The following NREP variants were observed in gnomAD, a reference collection of about 807,000 sequenced individuals.
NREP encodes neuronal regeneration related protein.
In NREP, 5 loss-of-function variants were observed where a neutral mutation model predicts 8.6. The observed-to-expected ratio is 0.58, with a 90% CI of 0.30 to 1.22. NREP has a LOEUF of 1.22. Among genes scored for constraint, NREP ranks in the 50% most tolerant of loss-of-function variants. The pLI is 0.07. For missense variants in NREP, 86 were observed against 82.5 expected (o/e 1.04, Z -0.17); for synonymous variants, 27 against 28.0 (o/e 0.96, Z 0.11).
chr5:111,951,109 C>T (rs945709000), intron 2 of NREP, among the ~76,000 whole-genome samples: 4 of 152,042 alleles, frequency 2.6e-5, no homozygotes, highest in Non-Finnish European at 5.9e-5. Context: ...TATTCTAAAA[C>T]TTTAAATAAA....
chr5:111,744,546 G>A (rs1342060629), intron 2 of NREP, among the ~76,000 whole-genome samples: 2 of 152,086 alleles, frequency 1.3e-5, no homozygotes, highest in East Asian at 3.9e-4. Context: ...AGTACAAGAG[G>A]AATGGAATAG....
rs188038432 is a variant in NREP at position 111,840,176 on chromosome 5, A to C, written c.136-104669T>G. ...TACACACACACACTCCCACACATAT[A>C]TGTCATAGCTCTGCTGTTAGGGGTA... is the stretch of plus-strand genomic sequence containing the variant. On this transcript the variant is annotated intron_variant, in intron 2 of 3. Coordinates refer to the NREP transcript ENST00000395634. 3.2e-4 allele frequency among the ~76,000 whole-genome samples: 48 copies of C among 152,182 alleles called. 1 individual carries two copies. Among genetic ancestry groups the C allele is most frequent in the Admixed American group, 2.0e-3 (31 of 15,264 alleles).
At chr5:111,826,882 G>C (rs1752641101) in intron 2 of NREP, among the ~76,000 whole-genome samples, 1 of 152,148 alleles carries the variant, frequency 6.6e-6, no homozygotes, top group Non-Finnish European at 1.5e-5. Context: ...AAGAAGGTAA[G>C]TTGAAAGAGG....
chr5:111,754,446 G>C (rs967288160), intron 2 of NREP, among the ~76,000 whole-genome samples: 1 of 152,174 alleles, frequency 6.6e-6, no homozygotes, highest in African/African-American at 2.4e-5. Flanking sequence ...AGTAGGTAAC[G>C]TTCTGAGATA....
intron 2 of NREP, among the ~76,000 whole-genome samples, chr5:111,926,286 T>G (rs1019285704): frequency 6.6e-6 from 1 of 152,042 alleles, no homozygotes; most frequent in Non-Finnish European, 1.5e-5. Flanking sequence ...CCCTGGATAA[T>G]GGGGACAAGA....
At chr5:111,946,880 T>C (rs1756001328) in intron 2 of NREP, among the ~76,000 whole-genome samples, 2 of 152,032 alleles carry the variant, frequency 1.3e-5, no homozygotes, top group Non-Finnish European at 2.9e-5. Context: ...CTTCCAGTTT[T>C]GTAGTCAACC....
chr5:111,878,575 G>T (rs1454708603), intron 2 of NREP, among the ~76,000 whole-genome samples: 1 of 152,146 alleles, frequency 6.6e-6, no homozygotes, highest in East Asian at 1.9e-4. Flanking sequence ...GGGGAACAAA[G>T]CCCAACCATA....
At chr5:111,953,660 A>G (rs1397261948) in intron 2 of NREP, among the ~76,000 whole-genome samples, 1 of 152,148 alleles carries the variant, frequency 6.6e-6, no homozygotes, top group Non-Finnish European at 1.5e-5. Context: ...TATGGAATGG[A>G]AAGAACGAGG....
At chr5:111,842,938 T>G (rs1753066860) in intron 2 of NREP, among the ~76,000 whole-genome samples, 2 of 152,180 alleles carry the variant, frequency 1.3e-5, no homozygotes, top group Non-Finnish European at 2.9e-5. Context: ...TTTTAGAGGT[T>G]CCATTTTGTG....
At chr5:111,732,158 A>C (rs1386177630) in intron 3 of NREP, 1 of 152,148 alleles carries the variant, frequency 6.6e-6, no homozygotes, top group Non-Finnish European at 1.5e-5. Context: ...ACTAGATGTA[A>C]AGTACTTGGA....
chr5:111,918,952 GA>G (rs1755144788), intron 2 of NREP, among the ~76,000 whole-genome samples: 1 of 152,052 alleles, frequency 6.6e-6, no homozygotes, highest in Non-Finnish European at 1.5e-5. Flanking sequence ...GCAACCTAAA[GA>G]ATGGAAGAAA....
intron 2 of NREP, among the ~76,000 whole-genome samples, chr5:111,952,040 T>C (rs1240018905): frequency 1.3e-5 from 2 of 152,154 alleles, no homozygotes; most frequent in East Asian, 1.9e-4. Flanking sequence ...AGAATCTCTG[T>C]CTGTATCATG....
intron 2 of NREP, among the ~76,000 whole-genome samples, chr5:111,875,630 C>T (rs1753888369): frequency 6.6e-6 from 1 of 152,150 alleles, no homozygotes; most frequent in Non-Finnish European, 1.5e-5. Context: ...AATTTAAAAA[C>T]ATCATTCAGA....
At chr5:111,732,948 A>C (rs894319170) in intron 3 of NREP, 13 of 152,216 alleles carry the variant, frequency 8.5e-5, no homozygotes, top group African/African-American at 3.1e-4. Flanking sequence ...AATATACAGA[A>C]CGTTAGTGTA....
intron 2 of NREP, among the ~76,000 whole-genome samples, chr5:111,934,671 G>A (rs933776252): frequency 2.0e-5 from 3 of 152,052 alleles, no homozygotes; most frequent in African/African-American, 7.2e-5. Flanking sequence ...TGGGGAATCA[G>A]CCTACATTAC....
intron 2 of NREP, among the ~76,000 whole-genome samples, chr5:111,895,290 G>A (rs1473742110): frequency 6.6e-5 from 10 of 152,260 alleles, no homozygotes; most frequent in South Asian, 4.1e-4. Flanking sequence ...GATGAGGAAC[G>A]GGGAAGGGAC....
At chr5:111,889,629 G>T (rs1474210227) in intron 2 of NREP, among the ~76,000 whole-genome samples, 1 of 152,140 alleles carries the variant, frequency 6.6e-6, no homozygotes, top group Admixed American at 6.5e-5. Context: ...ATTTCCTTCT[G>T]CCTATAAGTC....
At chr5:111,937,533 A>C (rs1352204698) in intron 2 of NREP, among the ~76,000 whole-genome samples, 1 of 152,090 alleles carries the variant, frequency 6.6e-6, no homozygotes, top group Non-Finnish European at 1.5e-5. Flanking sequence ...GCATACAGAG[A>C]AAAGGAGCAT....
At chr5:111,954,692 T>A (rs1756260761) in intron 2 of NREP, among the ~76,000 whole-genome samples, 1 of 152,014 alleles carries the variant, frequency 6.6e-6, no homozygotes, top group African/African-American at 2.4e-5. Context: ...AAGCAGGAAG[T>A]AATAAATATG....
Sources: allele counts gnomAD v4.1 joint callset (sites outside exome capture counted in the v4.1 genomes callset), GRCh38; gene constraint gnomAD v4.1.1; transcripts MANE v1.5; gene names NCBI Gene and HGNC (gene_info 2026-07-23, HGNC 2026-07-21).